CASTOR2: variants seen among roughly 807,000 people sequenced by gnomAD.
The protein encoded by CASTOR2 is GATS protein like 2.
Under a neutral mutation model 31.2 loss-of-function variants are expected in CASTOR2, and 8 were observed. The observed-to-expected ratio is 0.26, with a 90% CI of 0.15 to 0.46. The LOEUF (loss-of-function observed/expected upper bound fraction) is 0.46, where lower values mean the gene tolerates loss of function less well. Ranked by LOEUF, CASTOR2 falls within the 20% of genes least tolerant of loss-of-function variation. CASTOR2 has a pLI of 0.99. For synonymous variants in CASTOR2, 162 were observed against 158.7 expected (o/e 1.02, Z -0.16); for missense variants, 216 against 382.1 (o/e 0.57, Z 3.62).
intron 1 of CASTOR2, among the ~76,000 whole-genome samples, chr7:74,975,243 C>T (rs1320360018): frequency 6.6e-6 from 1 of 151,532 alleles, no homozygotes. Flanking sequence ...GCTGGGATTA[C>T]AGGCATGAGC....
At chr7:75,015,480 G>A (rs1305960305) in intron 2 of CASTOR2, among the ~76,000 whole-genome samples, 76 of 151,936 alleles carry the variant, frequency 5.0e-4, no homozygotes, top group Middle Eastern at 3.4e-3. Flanking sequence ...GTCTCGCTAC[G>A]TTCTCCAGGC....
chr7:75,024,703 G>A lies in CASTOR2; in HGVS notation c.*4G>A. On this transcript the variant is annotated 3_prime_UTR_variant, in exon 9 of 9. Coordinates refer to ENST00000616305, the MANE Select transcript of CASTOR2 (RefSeq NM_001145064.3). Reference sequence around the variant, plus strand: ...CAGCCAAGCAGAGAAGCACTAGAAGGGTCTCTTCTGCTCCTCCCTGCCGCC... The same window carrying A: ...CAGCCAAGCAGAGAAGCACTAGAAGAGTCTCTTCTGCTCCTCCCTGCCGCC... 1.3e-6 allele frequency: 2 copies of A among 1,551,566 alleles called. No individual in the cohort carries two copies. The highest frequency in any genetic ancestry group is 1.7e-6 in the Non-Finnish European group (2 of 1,146,842).
At chr7:74,973,016 T>C (rs1803714377) in intron 1 of CASTOR2, among the ~76,000 whole-genome samples, 1 of 148,912 alleles carries the variant, frequency 6.7e-6, no homozygotes, top group African/African-American at 2.5e-5. Flanking sequence ...GAGAAAAGCT[T>C]AAAATTGCAA....
chr7:74,993,908 G>A (rs1400095117), intron 1 of CASTOR2, among the ~76,000 whole-genome samples: 1 of 152,108 alleles, frequency 6.6e-6, no homozygotes, highest in Non-Finnish European at 1.5e-5. Flanking sequence ...ACCTGGAAGT[G>A]TCTCTCCCCT....
chr7:75,028,171 G>T lies in CASTOR2; in HGVS notation c.*3472G>T. On this transcript the variant is annotated 3_prime_UTR_variant, in exon 9 of 9. Coordinates refer to ENST00000616305, the MANE Select transcript of CASTOR2 (RefSeq NM_001145064.3). ...CTTGCTCTGTCGCCCAGGCTGGAGT[G>T]CTGTGGCATGATCTCAGCTCACTGC... 1 of 1,231,764 alleles carries T rather than the reference G, an allele frequency of 8.1e-7. No individual in the cohort carries two copies. The allele number at this position is 1,231,764 out of a possible 1,614,324, so 76.3% of individuals were successfully genotyped here. A position where few individuals can be genotyped will look rare whatever the true frequency, so the allele number is the denominator to read the frequency against.
rs977739271 is a variant in CASTOR2, at chr7:75,028,156, C to T, written c.*3457C>T. 55 of 1,351,162 alleles carry T rather than the reference C, an allele frequency of 4.1e-5. No homozygotes were observed. The highest frequency in any genetic ancestry group is 2.7e-4 in the Middle Eastern group (1 of 3,750). The allele number at this position is 1,351,162 out of a possible 1,614,324, so 83.7% of individuals were successfully genotyped here. A position where few individuals can be genotyped will look rare whatever the true frequency, so the allele number is the denominator to read the frequency against. On this transcript the variant is annotated 3_prime_UTR_variant, in exon 9 of 9. Coordinates refer to ENST00000616305, the MANE Select transcript of CASTOR2 (RefSeq NM_001145064.3). Reference sequence around the variant, plus strand: ...TTTTTGAGACGGAGTCTTGCTCTGTCGCCCAGGCTGGAGTGCTGTGGCATG... The same window carrying T: ...TTTTTGAGACGGAGTCTTGCTCTGTTGCCCAGGCTGGAGTGCTGTGGCATG...
chr7:75,001,262 G>C (rs1804488302), intron 1 of CASTOR2, among the ~76,000 whole-genome samples: 1 of 151,996 alleles, frequency 6.6e-6, no homozygotes, highest in Non-Finnish European at 1.5e-5. Flanking sequence ...TTTTTTTGTA[G>C]AGATGGAGTC....
intron 1 of CASTOR2, among the ~76,000 whole-genome samples, chr7:74,978,141 T>C (rs1803868436): frequency 1.3e-5 from 2 of 148,796 alleles, no homozygotes; most frequent in African/African-American, 4.9e-5. Flanking sequence ...GGTCTTGCTG[T>C]CACCCAGGCT....
Position 75,027,692 on chromosome 7 carries a change from T to C in CASTOR2, c.*2993T>C. On this transcript the variant is annotated 3_prime_UTR_variant, in exon 9 of 9. Transcript: ENST00000616305. ...GTGGTCCCTGTTCAAGCCCGCTCCG[T>C]GGGAGCTGCCCCCTGGGGACCCTGC... 1 of 364,654 alleles carries C rather than the reference T, an allele frequency of 2.7e-6. No individual in the cohort carries two copies. The highest frequency in any genetic ancestry group is 2.4e-5 in the South Asian group (1 of 41,754). 22.6% of individuals were successfully genotyped at this position (364,654 alleles called of 1,614,324 possible). A position where few individuals can be genotyped will look rare whatever the true frequency, so the allele number is the denominator to read the frequency against.
At chr7:75,010,270 T>C (rs1448797656) in intron 2 of CASTOR2, among the ~76,000 whole-genome samples, 1 of 151,888 alleles carries the variant, frequency 6.6e-6, no homozygotes, top group Non-Finnish European at 1.5e-5. Context: ...GAGAGTTGAA[T>C]GAGAAAGTAC....
chr7:75,020,378 G>A (rs1234430483), intron 6 of CASTOR2, among the ~76,000 whole-genome samples: 1 of 151,726 alleles, frequency 6.6e-6, no homozygotes, highest in Admixed American at 6.6e-5. Context: ...CTACAGGCAT[G>A]TGCCACCATG....
chr7:75,024,886 C>T lies in CASTOR2; in HGVS notation c.*187C>T, dbSNP rs1350465886. On this transcript the variant is annotated 3_prime_UTR_variant, in exon 9 of 9. Transcript: ENST00000616305. ...GCCCACGCCAAGGCCTCTCCATGCCCTCCTGCCTTCCCGGAGCCCCCCGAC... is the reference window on the plus strand; with the variant it reads ...GCCCACGCCAAGGCCTCTCCATGCCTTCCTGCCTTCCCGGAGCCCCCCGAC... 8 of 1,410,870 alleles carry T rather than the reference C, an allele frequency of 5.7e-6. No homozygotes were observed. In the African/African-American group the frequency reaches 7.1e-5, roughly 13 times the overall value. The allele number at this position is 1,410,870 out of a possible 1,614,324, so 87.4% of individuals were successfully genotyped here.
chr7:75,007,905 G>T, intron 1 of CASTOR2, 89 bp from the exon 2 acceptor site: 1 of 1,596,722 alleles, frequency 6.3e-7, no homozygotes, highest in South Asian at 1.1e-5. Flanking sequence ...TGGGTGAACT[G>T]AGTCATCATC....
chr7:75,001,636 C>G (rs1249359752), intron 1 of CASTOR2, among the ~76,000 whole-genome samples: 1 of 152,186 alleles, frequency 6.6e-6, no homozygotes, highest in Non-Finnish European at 1.5e-5. Flanking sequence ...CTCTTTGAGG[C>G]TTCTCTGATT....
At chr7:74,999,424 G>A (rs1474028944) in intron 1 of CASTOR2, among the ~76,000 whole-genome samples, 2 of 151,848 alleles carry the variant, frequency 1.3e-5, no homozygotes, top group African/African-American at 4.8e-5. Context: ...TAGTTGCTAA[G>A]GACAGGAGAA....
In CASTOR2 at chr7:75,010,948, G is replaced by A. The variant is rs1446088365; in HGVS notation, c.184+2884G>A. Among the ~76,000 whole-genome samples the A allele has an allele frequency of 6.6e-5, 10 of 151,992 alleles. 1 individual carries two copies. Among genetic ancestry groups the A allele is most frequent in the South Asian group, 4.1e-4 (2 of 4,824 alleles). On this transcript the variant is annotated intron_variant, in intron 2 of 8. Coordinates refer to ENST00000616305, the MANE Select transcript of CASTOR2 (RefSeq NM_001145064.3). ...GCTCACTGCAACCTCCATCTCCCAG[G>A]TTCAAGCGATTCTCCTGCCTCAGCC...
intron 1 of CASTOR2, among the ~76,000 whole-genome samples, chr7:74,984,882 A>T (rs1804027195): frequency 6.6e-6 from 1 of 152,214 alleles, no homozygotes; most frequent in African/African-American, 2.4e-5. Flanking sequence ...CTGTAATCCC[A>T]GCCCTTTGGG....
intron 2 of CASTOR2, among the ~76,000 whole-genome samples, chr7:75,014,547 G>A (rs1804824648): frequency 6.6e-6 from 1 of 151,920 alleles, no homozygotes; most frequent in African/African-American, 2.4e-5. Flanking sequence ...AGCCGAGATC[G>A]CGCCGCTGCA....
At chr7:75,011,748 C>CA (rs1295227887) in intron 2 of CASTOR2, among the ~76,000 whole-genome samples, 11,524 of 109,692 alleles carry the variant, frequency 0.11, 2,026 homozygotes, top group African/African-American at 0.37. Flanking sequence ...AAAAAAAAAC[C>CA]AAAAAAAAAA....
Sources: gnomAD v4.1 joint callset for allele counts (sites outside exome capture counted in the v4.1 genomes callset) on GRCh38, gnomAD v4.1.1 for gene constraint, MANE v1.5 for transcripts, NCBI Gene and HGNC (gene_info 2026-07-23, HGNC 2026-07-21) for gene names.